OPCML: variants seen among roughly 807,000 people sequenced by gnomAD.
The protein encoded by OPCML is opioid-binding protein/cell adhesion molecule.
A neutral mutation model predicts 37.8 loss-of-function variants in OPCML; 13 were observed. That is an observed-to-expected ratio of 0.34 (90% CI 0.22 to 0.55). The LOEUF (loss-of-function observed/expected upper bound fraction) is 0.55, where lower values mean the gene tolerates loss of function less well. Ranked by LOEUF, OPCML falls within the 20% of genes least tolerant of loss-of-function variation. The pLI is 0.91. For missense variants in OPCML, 341 were observed against 435.6 expected, an observed-to-expected ratio of 0.78 and a Z score of 1.93; for synonymous variants, 176 against 168.8, an observed-to-expected ratio of 1.04 and a Z score of -0.33.
chr11:132,479,795 C>T (rs558414475), intron 4 of OPCML, among the ~76,000 whole-genome samples: 2 of 152,170 alleles, frequency 1.3e-5, no homozygotes, highest in Admixed American at 6.6e-5. Context: ...GGTACTCCAA[C>T]AGACCTGCAG....
At chr11:132,565,505 C>T (rs11223125) in intron 3 of OPCML, among the ~76,000 whole-genome samples, 3,152 of 152,256 alleles carry the variant, frequency 0.021, 160 homozygotes, top group East Asian at 0.2. Context: ...CCTACCTCAG[C>T]GGCTCTCCTG....
intron 1 of OPCML, among the ~76,000 whole-genome samples, chr11:133,112,942 T>C (rs1291409616): frequency 6.6e-6 from 1 of 152,174 alleles, no homozygotes; most frequent in Non-Finnish European, 1.5e-5. Context: ...ACACATATCT[T>C]CCCCTTACTC....
Position 133,415,856 on chromosome 11 carries a change from C to A in OPCML, c.61+116408G>T, listed in dbSNP as rs1417313532. Among the ~76,000 whole-genome samples, 3 of 152,150 alleles carry A rather than the reference C, an allele frequency of 2.0e-5. No homozygotes were observed. In the South Asian group the frequency reaches 6.2e-4, roughly 32 times the overall value. On this transcript the variant is annotated intron_variant, in intron 1 of 7. Transcript: ENST00000524381. ...GTGATACGGAAGTCCATAGCACGGACAGGACAGGAGAGAGGCCTGCAGCTG... is the reference window on the plus strand; with the variant it reads ...GTGATACGGAAGTCCATAGCACGGAAAGGACAGGAGAGAGGCCTGCAGCTG...
chr11:133,382,819 G>A (rs1195061275), intron 1 of OPCML, among the ~76,000 whole-genome samples: 1 of 152,062 alleles, frequency 6.6e-6, no homozygotes. Flanking sequence ...GGAGAGGAGG[G>A]CATCTCTCCA....
At chr11:133,387,577 A>G (rs1166643133) in intron 1 of OPCML, among the ~76,000 whole-genome samples, 7 of 152,090 alleles carry the variant, frequency 4.6e-5, no homozygotes, top group Non-Finnish European at 8.8e-5. Flanking sequence ...AAGTTAATTC[A>G]CTCCTCTAAA....
At chr11:133,339,809 A>G (rs1943823050) in intron 1 of OPCML, among the ~76,000 whole-genome samples, 1 of 152,214 alleles carries the variant, frequency 6.6e-6, no homozygotes, top group Admixed American at 6.5e-5. Context: ...ACAAAAGTGT[A>G]ATTTTATTTT....
At chr11:132,478,898 G>GATTATCCTAATTGAAAAATA (rs2096167161) in intron 4 of OPCML, among the ~76,000 whole-genome samples, 1 of 152,144 alleles carries the variant, frequency 6.6e-6, no homozygotes, top group Non-Finnish European at 1.5e-5. Flanking sequence ...AAAAGTCAGT[G>GATTATCCTAATTGAAAAATA]ATTATCCTAA....
intron 3 of OPCML, among the ~76,000 whole-genome samples, chr11:132,584,165 T>C (rs759358862): frequency 6.6e-6 from 1 of 152,160 alleles, no homozygotes; most frequent in Non-Finnish European, 1.5e-5. Context: ...GAGGAGTTTA[T>C]ATACCTGAAT....
intron 2 of OPCML, among the ~76,000 whole-genome samples, chr11:132,698,456 G>A (rs997351399): frequency 3.3e-5 from 5 of 152,028 alleles, no homozygotes; most frequent in Non-Finnish European, 4.4e-5. Context: ...AAAAATGTCC[G>A]TTCAGGTCCT....
chr11:132,420,556 C>T (rs188776894), intron 7 of OPCML, among the ~76,000 whole-genome samples: 3 of 152,284 alleles, frequency 2.0e-5, no homozygotes, highest in South Asian at 2.1e-4. Flanking sequence ...CATTGAGGCC[C>T]GTGGGCCCAA....
At chr11:132,570,804 T>TAGAGAGAGAGAG (rs1203341702) in intron 3 of OPCML, among the ~76,000 whole-genome samples, 5 of 90,762 alleles carry the variant, frequency 5.5e-5, no homozygotes, top group Admixed American at 1.0e-4. Flanking sequence ...TATATATATT[T>TAGAGAGAGAGAG]AGAGAGAGAG....
At chr11:133,001,927 T>C (rs1947013880) in intron 1 of OPCML, among the ~76,000 whole-genome samples, 1 of 152,202 alleles carries the variant, frequency 6.6e-6, no homozygotes, top group Admixed American at 6.5e-5. Flanking sequence ...TTGCCATAAG[T>C]GCCTTTGTAG....
chr11:133,218,805 T>C (rs1939694519), intron 1 of OPCML, among the ~76,000 whole-genome samples: 1 of 152,138 alleles, frequency 6.6e-6, no homozygotes, highest in Non-Finnish European at 1.5e-5. Context: ...CTCAGAGGTC[T>C]TTGGAATTGG....
chr11:132,593,059 A>C, intron 3 of OPCML, among the ~76,000 whole-genome samples: 1 of 152,236 alleles, frequency 6.6e-6, no homozygotes, highest in East Asian at 1.9e-4. Flanking sequence ...GTGATGGGGT[A>C]ATTAAGAAAG....
At chr11:133,320,860 G>A (rs774213340) in intron 1 of OPCML, among the ~76,000 whole-genome samples, 13 of 152,140 alleles carry the variant, frequency 8.5e-5, no homozygotes, top group Non-Finnish European at 1.5e-4. Context: ...TTATGGGCCC[G>A]CAAGTCTGCT....
intron 1 of OPCML, among the ~76,000 whole-genome samples, chr11:133,525,522 G>C (rs552238043): frequency 1.3e-5 from 2 of 152,282 alleles, no homozygotes; most frequent in East Asian, 3.9e-4. Flanking sequence ...TAGGGTTTTA[G>C]GCAACGCGAA....
At chr11:133,348,125 G>T (rs1944043366) in intron 1 of OPCML, among the ~76,000 whole-genome samples, 1 of 152,158 alleles carries the variant, frequency 6.6e-6, no homozygotes, top group Non-Finnish European at 1.5e-5. Context: ...AATAGAATTT[G>T]TCTTCTTTGA....
At chr11:133,247,601 T>TTCATCTG (rs1238368077) in intron 1 of OPCML, among the ~76,000 whole-genome samples, 3 of 143,616 alleles carry the variant, frequency 2.1e-5, no homozygotes, top group Non-Finnish European at 3.0e-5. Flanking sequence ...CTTTCTTTCT[T>TTCATCTG]TCTTTCTTTC....
chr11:132,712,763 C>T (rs1944319966), intron 2 of OPCML, among the ~76,000 whole-genome samples: 1 of 152,226 alleles, frequency 6.6e-6, no homozygotes, highest in South Asian at 2.1e-4. Flanking sequence ...GCAAGGTTTC[C>T]AGTTTTGAGG....
Sources: gnomAD v4.1 joint callset for allele counts (sites outside exome capture counted in the v4.1 genomes callset) on GRCh38, gnomAD v4.1.1 for gene constraint, MANE v1.5 for transcripts, NCBI Gene and HGNC (gene_info 2026-07-23, HGNC 2026-07-21) for gene names.